Variants in SCAF11 observed in about 807,000 individuals in gnomAD.
SCAF11 encodes the protein protein SCAF11.
Under a neutral mutation model 140.5 loss-of-function variants are expected in SCAF11, and 47 were observed. The ratio of observed to expected loss-of-function variants is 0.33; its 90% CI spans 0.26 to 0.43. The LOEUF (loss-of-function observed/expected upper bound fraction) is 0.43. Ranked by LOEUF, SCAF11 falls within the 20% of genes least tolerant of loss-of-function variation. The pLI is 1.00. For synonymous variants in SCAF11, 557 were observed against 579.4 expected, an observed-to-expected ratio of 0.96 and a Z score of 0.55; for missense variants, 1,645 against 1,705.1, an observed-to-expected ratio of 0.96 and a Z score of 0.62.
chr12:45,953,778 T>G, intron 3 of SCAF11: 1 of 455,770 alleles, frequency 2.2e-6, no homozygotes, highest in Non-Finnish European at 3.9e-6. Flanking sequence ...AGTTACAGTC[T>G]CTCTGTGCCT....
chr12:45,929,030 C>G (rs939966033), intron 10 of SCAF11, 171 bp from the exon 11 acceptor site: 2 of 385,176 alleles, frequency 5.2e-6, no homozygotes, highest in African/African-American at 4.2e-5. Flanking sequence ...ATGACTTATT[C>G]ATCAACTTTC....
chr12:45,960,575 A>G (rs1565681626), intron 3 of SCAF11: 1 of 152,122 alleles, frequency 6.6e-6, no homozygotes, highest in Non-Finnish European at 1.5e-5. Context: ...AACTCAAAAT[A>G]CTTTTCCCCA....
upstream of SCAF11, chr12:45,991,798 C>T (rs1198583815): frequency 5.8e-6 from 6 of 1,026,216 alleles, no homozygotes; most frequent in South Asian, 9.6e-5. Flanking sequence ...CCCCATCTAC[C>T]AGCTGACCTT....
rs1945181289 is a variant in SCAF11, at chr12:45,936,698, T to C, written c.464-2193A>G. On this transcript the variant is annotated intron_variant, in intron 6 of 14. Transcript: ENST00000369367. ...GTCATTTTGGGATTGTCCTTTGTCA[T>C]TATCCCAATAATCCTCTTTGTCCTG... Among the ~76,000 whole-genome samples, 4 of 152,334 alleles carry C rather than the reference T, an allele frequency of 2.6e-5. 1 individual carries two copies. The South Asian group carries it at 8.3e-4, about 32-fold the overall frequency.
chr12:45,949,922 G>A (rs1000595937), intron 4 of SCAF11, among the ~76,000 whole-genome samples: 4 of 152,120 alleles, frequency 2.6e-5, no homozygotes, highest in African/African-American at 9.7e-5. Context: ...TATACTGAAA[G>A]AATTTAAATG....
chr12:45,925,656 T>A (rs920233684), intron 11 of SCAF11, among the ~76,000 whole-genome samples: 1 of 151,572 alleles, frequency 6.6e-6, no homozygotes. Flanking sequence ...AAAAAAAAAA[T>A]CACATAAAAT....
intron 6 of SCAF11, among the ~76,000 whole-genome samples, chr12:45,936,362 G>A (rs1375092677): frequency 6.6e-6 from 1 of 151,758 alleles, no homozygotes; most frequent in African/African-American, 2.4e-5. Flanking sequence ...GGCTGGTCTT[G>A]AACTCCTGAC....
At chr12:45,962,502 T>C (rs962514275) in intron 2 of SCAF11, among the ~76,000 whole-genome samples, 7 of 152,198 alleles carry the variant, frequency 4.6e-5, no homozygotes, top group Admixed American at 3.9e-4. Flanking sequence ...TCCTTAGGAT[T>C]TGTACTACTT....
At chr12:45,973,383 A>C (rs937793582) in intron 1 of SCAF11, among the ~76,000 whole-genome samples, 1 of 152,080 alleles carries the variant, frequency 6.6e-6, no homozygotes, top group African/African-American at 2.4e-5. Context: ...AGAAAAGAAG[A>C]AAAAAGAAAG....
intron 4 of SCAF11, among the ~76,000 whole-genome samples, chr12:45,949,220 C>A (rs1002503660): frequency 1.3e-5 from 2 of 152,112 alleles, no homozygotes. Flanking sequence ...TAGACTAGAT[C>A]TATGCTGTCC....
intron 3 of SCAF11, among the ~76,000 whole-genome samples, chr12:45,953,587 C>T (rs1945603825): frequency 6.6e-6 from 1 of 152,042 alleles, no homozygotes; most frequent in Non-Finnish European, 1.5e-5. Flanking sequence ...ATTTCTAGTG[C>T]TTCCTATTTT....
chr12:45,969,332 CCTT>C (rs1480435121), intron 1 of SCAF11, among the ~76,000 whole-genome samples: 2 of 152,110 alleles, frequency 1.3e-5, no homozygotes, highest in African/African-American at 4.8e-5. Flanking sequence ...ACCCTTCTTT[CCTT>C]CTATTTTTTT....
intron 2 of SCAF11, among the ~76,000 whole-genome samples, chr12:45,963,211 G>A (rs1351845377): frequency 6.6e-6 from 1 of 152,158 alleles, no homozygotes; most frequent in Non-Finnish European, 1.5e-5. Context: ...AGAGGTAATG[G>A]TCGGGAAATG....
Position 45,924,761 on chromosome 12 carries a change from G to A in SCAF11, c.3873C>T (p.Tyr1291=), listed in dbSNP as rs1944808332. 9.6e-7 allele frequency: 1 copy of A among 1,036,872 alleles called. No homozygotes were observed. 64.2% of individuals were successfully genotyped at this position (1,036,872 alleles called of 1,614,324 possible). ...PPPPPSQQVN[Y]IASQPDGKQL... ...GCTTTCCATCTGGTTGTGAAGCAAT[G>A]TAGTTGACTTGTTGGGATGGTGGGG... Residue 1291 remains tyrosine (Y), a synonymous_variant, in exon 12 of 15, where the codon TAC becomes TAT. Transcript: ENST00000369367.
chr12:45,940,730 C>T (rs921711679), intron 6 of SCAF11, among the ~76,000 whole-genome samples: 2 of 152,144 alleles, frequency 1.3e-5, no homozygotes, highest in African/African-American at 4.8e-5. Context: ...ACAGTTTCAC[C>T]GCATTGTATC....
rs899896802 is a variant in SCAF11, at chr12:45,926,674, A to T, written c.3027T>A (p.Asp1009Glu). The part of the protein sequence containing the change: ...EKNDIHLDAD[D>E]PNSADKHRND... ...TTCTATGTTTGTCAGCAGAATTTGGATCATCAGCATCTAGATGGATGTCAT... is the reference window on the plus strand; with the variant it reads ...TTCTATGTTTGTCAGCAGAATTTGGTTCATCAGCATCTAGATGGATGTCAT... The change falls in exon 11 of 15, where the codon GAT (aspartate) becomes GAA (glutamate). Residue 1009 changes from aspartate (D) to glutamate (E), a missense_variant. Physicochemically the swap from Asp to Glu is conservative, Grantham distance 45 (BLOSUM62 2). This residue lies in a region of SCAF11 where 1,582 missense variants were observed against 1,609.2 expected (regional missense o/e 0.98). Coordinates refer to ENST00000369367, the MANE Select transcript of SCAF11 (RefSeq NM_004719.3). The T allele has an allele frequency of 3.7e-6, 6 of 1,613,512 alleles. No individual in the cohort carries two copies. The highest frequency in any genetic ancestry group is 4.2e-6 in the Non-Finnish European group (5 of 1,179,992).
intron 9 of SCAF11, 65 bp from the exon 10 acceptor site, chr12:45,931,677 T>C (rs1382706229): frequency 1.2e-6 from 1 of 809,716 alleles, no homozygotes; most frequent in African/African-American, 1.9e-5. Flanking sequence ...AATTTAAAAG[T>C]ATTAATTCTC....
rs1034697249 is a variant in SCAF11, at chr12:45,927,470, A to T, written c.2231T>A (p.Met744Lys). Residue 744 changes from methionine to lysine, a missense_variant, in exon 11 of 15, where the codon ATG becomes AAG. By Grantham distance (95) the Met-to-Lys change is moderately conservative. Around this residue, in one of 2 missense-constraint regions of SCAF11, gnomAD observed 1,582 missense variants for 1,609.2 expected, o/e 0.98. Coordinates refer to ENST00000369367, the MANE Select transcript of SCAF11 (RefSeq NM_004719.3). Reference sequence around the variant, plus strand: ...ACAGTGTGTCACAGAATTTTCATTCATTTGTTTAAGATCAGCATTTACAGA... The same window carrying T: ...ACAGTGTGTCACAGAATTTTCATTCTTTTGTTTAAGATCAGCATTTACAGA... ...EPSVNADLKQMNENSVTHCSE... is the reference protein window; with the variant it reads ...EPSVNADLKQKNENSVTHCSE... The T allele has an allele frequency of 3.1e-6, 5 of 1,613,332 alleles. No individual in the cohort carries two copies. In the African/African-American group the frequency reaches 6.7e-5, roughly 22 times the overall value.
intron 1 of SCAF11, chr12:45,974,400 G>A (rs1006361198): frequency 2.8e-6 from 1 of 351,886 alleles, no homozygotes; most frequent in African/African-American, 2.1e-5. Flanking sequence ...AAATTTCTCT[G>A]TGTACAAGAT....
Sources: allele counts gnomAD v4.1 joint callset (sites outside exome capture counted in the v4.1 genomes callset), GRCh38; gene constraint gnomAD v4.1.1; regional missense constraint gnomAD v4.1.1; transcripts MANE v1.5; gene names NCBI Gene and HGNC (gene_info 2026-07-23, HGNC 2026-07-21).